Variants in TRIM33 observed in about 807,000 individuals in gnomAD.
The protein encoded by TRIM33 is E3 ubiquitin-protein ligase TRIM33.
A neutral mutation model predicts 125.4 loss-of-function variants in TRIM33; 20 were observed. The observed-to-expected ratio is 0.16, with a 90% confidence interval of 0.11 to 0.23. The LOEUF is 0.23. TRIM33 is among the 10% of genes least tolerant of loss of function. TRIM33 has a pLI of 1.00. For missense variants in TRIM33, 920 were observed against 1,411.4 expected (o/e 0.65, Z 5.58); for synonymous variants, 564 against 513.9 (o/e 1.10, Z -1.32).
intron 1 of TRIM33, among the ~76,000 whole-genome samples, chr1:114,471,423 G>C (rs1479575551): frequency 6.8e-6 from 1 of 148,014 alleles, no homozygotes; most frequent in African/African-American, 2.5e-5. Context: ...CCTGGCGACA[G>C]AGCAAGCAAG....
intron 4 of TRIM33, among the ~76,000 whole-genome samples, chr1:114,439,256 G>A (rs988424160): frequency 2.0e-5 from 3 of 151,914 alleles, no homozygotes; most frequent in Non-Finnish European, 4.4e-5. Flanking sequence ...GGCAGATCAC[G>A]AGGTCATGAG....
rs1651528053 is a variant in TRIM33 at position 114,396,071 on chromosome 1, C to G, written c.*1577G>C. 1.0e-5 allele frequency: 2 copies of G among 200,304 alleles called. No individual in the cohort carries two copies. The highest frequency in any genetic ancestry group is 6.0e-5 in the Admixed American group (1 of 16,676). The allele number at this position is 200,304 out of a possible 1,614,324, so 12.4% of individuals were successfully genotyped here. On this transcript the variant is annotated 3_prime_UTR_variant, in exon 20 of 20. Transcript: ENST00000358465. ...GGCAAATAAATGATTTGCCACAAAT[C>G]TGCTGACTTCTGAAAAATATCTAAC...
intron 4 of TRIM33, chr1:114,460,203 A>T: frequency 4.8e-6 from 1 of 208,044 alleles, no homozygotes; most frequent in South Asian, 9.3e-5. Flanking sequence ...GGCTAATGGC[A>T]CAACTGTCCA....
chr1:114,499,696 T>C (rs1252283807), intron 1 of TRIM33, among the ~76,000 whole-genome samples: 1 of 152,170 alleles, frequency 6.6e-6, no homozygotes, highest in Non-Finnish European at 1.5e-5. Flanking sequence ...AAAACCAGTC[T>C]GGCAGATTTC....
chr1:114,414,987 C>CTTT (rs1232374980), intron 11 of TRIM33, among the ~76,000 whole-genome samples: 3 of 108,200 alleles, frequency 2.8e-5, no homozygotes, highest in Admixed American at 8.8e-5. Context: ...GAGGTAGATT[C>CTTT]TATTTTTTTT....
At chr1:114,458,390 ACT>A (rs920796948) in intron 4 of TRIM33, among the ~76,000 whole-genome samples, 2 of 152,012 alleles carry the variant, frequency 1.3e-5, no homozygotes, top group Non-Finnish European at 1.5e-5. Context: ...TATTTTTCAG[ACT>A]CTGCATTCTG....
chr1:114,427,265 T>C lies in TRIM33; in HGVS notation c.1332A>G (p.Lys444=), dbSNP rs138071930. ...CAGCAGGGACAGGATCACACCGTGC[T>C]TTCAAAATATGACGCAACTGGAAAG... The part of the protein sequence containing the change: ...LITFQLRHIL[K]ARCDPVPAAN... Residue 444 remains lysine (K), a synonymous_variant, in exon 8 of 20, where the codon AAA becomes AAG. Coordinates refer to ENST00000358465, the MANE Select transcript of TRIM33 (RefSeq NM_015906.4). 30 of 1,593,812 alleles carry C rather than the reference T, an allele frequency of 1.9e-5. No homozygotes were observed. Among genetic ancestry groups the C allele is most frequent in the Non-Finnish European group, 2.3e-5 (27 of 1,167,646 alleles).
intron 4 of TRIM33, among the ~76,000 whole-genome samples, chr1:114,435,138 A>G (rs1329070880): frequency 6.6e-6 from 1 of 152,216 alleles, no homozygotes; most frequent in Non-Finnish European, 1.5e-5. Context: ...TAATAATCAC[A>G]TTTACATTCT....
intron 1 of TRIM33, among the ~76,000 whole-genome samples, chr1:114,472,975 C>G (rs142112326): frequency 1.4e-3 from 210 of 151,892 alleles, no homozygotes; most frequent in African/African-American, 4.7e-3. Flanking sequence ...GTTTTGGTGC[C>G]GCAAAAGAAA....
intron 17 of TRIM33, among the ~76,000 whole-genome samples, chr1:114,399,889 G>C (rs1651766609): frequency 6.6e-6 from 1 of 151,814 alleles, no homozygotes; most frequent in African/African-American, 2.4e-5. Context: ...CAGTAGCCTT[G>C]AGGCAACATT....
At chr1:114,460,160 T>A (rs895479299) in intron 4 of TRIM33, 2 of 183,430 alleles carry the variant, frequency 1.1e-5, no homozygotes, top group African/African-American at 4.7e-5. Flanking sequence ...GTTTGAAATA[T>A]ATCATCAACA....
At chr1:114,486,642 A>G (rs1651716560) in intron 1 of TRIM33, among the ~76,000 whole-genome samples, 1 of 151,912 alleles carries the variant, frequency 6.6e-6, no homozygotes, top group Non-Finnish European at 1.5e-5. Flanking sequence ...AGAATAACTG[A>G]CCTTCAGGCA....
intron 1 of TRIM33, among the ~76,000 whole-genome samples, chr1:114,469,567 A>C (rs17593470): frequency 0.13 from 20,231 of 152,220 alleles, 1,389 homozygotes; most frequent in African/African-American, 0.15. Context: ...CTTATAACAG[A>C]GCAAGAAAAT....
Position 114,421,537 on chromosome 1 carries a change from T to C in TRIM33, c.1960A>G (p.Asn654Asp). Reference sequence around the variant, plus strand: ...ACAGATGGGCTGGTGGGACCTCGGTTTGCATTTGCCATAGTTGCTGTAGTA... The same window carrying C: ...ACAGATGGGCTGGTGGGACCTCGGTCTGCATTTGCCATAGTTGCTGTAGTA... ...SPTTATMANA[N>D]RGPTSPSVTA... Residue 654 changes from asparagine to aspartate, a missense_variant, in exon 11 of 20, where the codon AAC becomes GAC. By Grantham distance (23) the Asn-to-Asp change is conservative. Transcript: ENST00000358465. 2 of 1,614,138 alleles carry C rather than the reference T, an allele frequency of 1.2e-6. No homozygotes were observed. The highest frequency in any genetic ancestry group is 1.7e-6 in the Non-Finnish European group (2 of 1,180,014).
intron 4 of TRIM33, among the ~76,000 whole-genome samples, chr1:114,439,225 G>A (rs1468675121): frequency 6.6e-6 from 1 of 152,064 alleles, no homozygotes; most frequent in Non-Finnish European, 1.5e-5. Context: ...TGTAATCCCA[G>A]CATTTTGGGA....
intron 7 of TRIM33, 136 bp from the exon 8 acceptor site, chr1:114,427,430 T>G (rs1254279872): frequency 1.7e-6 from 1 of 588,486 alleles, no homozygotes; most frequent in African/African-American, 1.9e-5. Context: ...AACATTTAAA[T>G]TAGCAATCAA....
At chr1:114,405,362 T>C (rs758113799) in intron 15 of TRIM33, 48 bp downstream of exon 15, 29 of 1,433,928 alleles carry the variant, frequency 2.0e-5, no homozygotes, top group Admixed American at 7.5e-5. Context: ...TGTTATTTAT[T>C]TTTAGCTTAT....
intron 10 of TRIM33, among the ~76,000 whole-genome samples, chr1:114,423,184 A>G (rs1647317343): frequency 6.6e-6 from 1 of 152,214 alleles, no homozygotes; most frequent in East Asian, 1.9e-4. Context: ...AGATATAACG[A>G]TAATTTGGTC....
intron 4 of TRIM33, among the ~76,000 whole-genome samples, chr1:114,454,927 C>T (rs1649535752): frequency 1.3e-5 from 2 of 152,132 alleles, no homozygotes; most frequent in Admixed American, 1.3e-4. Context: ...AACCAAGAAA[C>T]TACTGAAACC....
Sources: allele counts gnomAD v4.1 joint callset (sites outside exome capture counted in the v4.1 genomes callset), GRCh38; gene constraint gnomAD v4.1.1; transcripts MANE v1.5; gene names NCBI Gene and HGNC (gene_info 2026-07-23, HGNC 2026-07-21).